USP46: variants seen among roughly 807,000 people sequenced by gnomAD.
USP46 encodes ubiquitin carboxyl-terminal hydrolase 46.
A neutral mutation model predicts 44.4 loss-of-function variants in USP46; 12 were observed. The ratio of observed to expected loss-of-function variants is 0.27; its 90% CI spans 0.17 to 0.44. USP46 has a LOEUF of 0.44. Ranked by LOEUF, USP46 falls within the 20% of genes least tolerant of loss-of-function variation. USP46 has a pLI of 1.00. For missense variants in USP46, 248 were observed against 444.8 expected (o/e 0.56, Z 3.98); for synonymous variants, 155 against 161.5 (o/e 0.96, Z 0.31).
At chr4:52,646,285 G>A (rs1718548188) in intron 1 of USP46, among the ~76,000 whole-genome samples, 1 of 152,108 alleles carries the variant, frequency 6.6e-6, no homozygotes, top group Non-Finnish European at 1.5e-5. Flanking sequence ...CCGGCCCTCG[G>A]GAACCAGTCC....
intron 5 of USP46, among the ~76,000 whole-genome samples, chr4:52,608,734 G>T (rs567358255): frequency 2.0e-5 from 3 of 152,312 alleles, no homozygotes; most frequent in South Asian, 4.1e-4. Context: ...AATCTTCCCG[G>T]GTGATTCCAA....
intron 1 of USP46, among the ~76,000 whole-genome samples, chr4:52,653,818 T>A (rs984266320): frequency 6.6e-6 from 1 of 152,046 alleles, no homozygotes; most frequent in Non-Finnish European, 1.5e-5. Context: ...CTATTCACAC[T>A]AACTAGAAAG....
In USP46 at chr4:52,656,999, T is replaced by C. The variant is rs564956309; in HGVS notation, c.36+2116A>G. On this transcript the variant is annotated intron_variant, in intron 1 of 8. Coordinates refer to ENST00000441222, the MANE Select transcript of USP46 (RefSeq NM_022832.4). Reference sequence around the variant, plus strand: ...AGGCTGCAGTGAGCCACCATGTTCATGCCACTGCACTCCAGCCTGGGTGAC... The same window carrying C: ...AGGCTGCAGTGAGCCACCATGTTCACGCCACTGCACTCCAGCCTGGGTGAC... Among the ~76,000 whole-genome samples the C allele has an allele frequency of 6.0e-5, 8 of 134,314 alleles. No individual in the cohort carries two copies. The East Asian group carries it at 1.7e-3, about 29-fold the overall frequency. The allele number at this position is 134,314 out of a possible 152,430, so 88.1% of individuals were successfully genotyped here.
At chr4:52,642,905 C>A (rs1718401816) in intron 1 of USP46, among the ~76,000 whole-genome samples, 1 of 151,792 alleles carries the variant, frequency 6.6e-6, no homozygotes, top group Non-Finnish European at 1.5e-5. Context: ...TAGATACTGA[C>A]AATAATATAA....
chr4:52,608,362 C>T (rs1267267551), intron 5 of USP46, among the ~76,000 whole-genome samples: 1 of 152,222 alleles, frequency 6.6e-6, no homozygotes, highest in Non-Finnish European at 1.5e-5. Context: ...AGCAATGCTT[C>T]CCGATAATTT....
intron 4 of USP46, among the ~76,000 whole-genome samples, chr4:52,621,190 CA>C (rs1368242649): frequency 6.6e-6 from 1 of 152,040 alleles, no homozygotes; most frequent in African/African-American, 2.4e-5. Flanking sequence ...ATGTTGATAG[CA>C]AAACCAGACA....
At position 52,631,052 on chromosome 4, in the gene USP46, T is replaced by C; in HGVS notation, c.117+12A>G. ...AAACATTTGATGAAAATAATACATT[T>C]TACATACTTACATTGACCAATCCGA... On this transcript the variant is annotated intron_variant, in intron 2 of 8. Coordinates refer to ENST00000441222, the MANE Select transcript of USP46 (RefSeq NM_022832.4). 6.4e-7 allele frequency: 1 copy of C among 1,553,850 alleles called. No individual in the cohort carries two copies. The highest frequency in any genetic ancestry group is 8.7e-7 in the Non-Finnish European group (1 of 1,147,510).
intron 1 of USP46, among the ~76,000 whole-genome samples, chr4:52,635,539 C>T (rs73135516): frequency 2.2e-3 from 337 of 152,244 alleles, no homozygotes; most frequent in African/African-American, 7.7e-3. Flanking sequence ...TTCTCACTGG[C>T]CTTCCACTCA....
intron 1 of USP46, among the ~76,000 whole-genome samples, chr4:52,651,779 T>C (rs1297550342): frequency 2.0e-5 from 3 of 152,186 alleles, no homozygotes; most frequent in African/African-American, 7.2e-5. Flanking sequence ...CTAAAGCCAA[T>C]GTCAATTAAA....
chr4:52,626,159 C>G lies in USP46; in HGVS notation c.420G>C (p.Lys140Asn). ...NTIADILQEE[K>N]KQEKQNGKLK... ...ATTTTCCATTTTGTTTTTCCTGTTT[C>G]TTCTCCTCCTGAAGGATGTCCGCAA... The change falls in exon 4 of 9, where the codon AAG (lysine) becomes AAC (asparagine). Residue 140 changes from lysine to asparagine, a missense_variant. This residue lies in a region of USP46 where 37 missense variants were observed against 30.6 expected (regional missense o/e 1.21). Coordinates refer to ENST00000441222, the MANE Select transcript of USP46 (RefSeq NM_022832.4). 1 of 1,613,792 alleles carries G rather than the reference C, an allele frequency of 6.2e-7. No individual in the cohort carries two copies.
At chr4:52,656,303 C>T (rs1161289066) in intron 1 of USP46, 2 of 1,551,314 alleles carry the variant, frequency 1.3e-6, no homozygotes, top group Admixed American at 3.9e-5. Context: ...TACCTGAAAA[C>T]AATTCATTAT....
chr4:52,648,253 G>C (rs193057282), intron 1 of USP46, among the ~76,000 whole-genome samples: 3 of 152,178 alleles, frequency 2.0e-5, no homozygotes, highest in Non-Finnish European at 4.4e-5. Context: ...TCCAAGAGCC[G>C]ATTATTTGAG....
chr4:52,632,950 A>AAGAAAG (rs1717913404), intron 1 of USP46, among the ~76,000 whole-genome samples: 2 of 75,566 alleles, frequency 2.6e-5, no homozygotes, highest in African/African-American at 6.7e-5. Context: ...GAAAGAAAGA[A>AAGAAAG]AGAAAGAAAG....
At chr4:52,631,532 T>C (rs914209730) in intron 1 of USP46, among the ~76,000 whole-genome samples, 1 of 152,174 alleles carries the variant, frequency 6.6e-6, no homozygotes, top group Non-Finnish European at 1.5e-5. Context: ...TCAAAGTCAA[T>C]GTATTCATTT....
chr4:52,602,518 C>T (rs1287144752), intron 6 of USP46, among the ~76,000 whole-genome samples: 1 of 152,198 alleles, frequency 6.6e-6, no homozygotes, highest in Non-Finnish European at 1.5e-5. Flanking sequence ...GCTTCTGACA[C>T]ACACTCTTGG....
chr4:52,632,993 AGAAAG>A (rs1266105972), intron 1 of USP46, among the ~76,000 whole-genome samples: 15 of 113,352 alleles, frequency 1.3e-4, no homozygotes, highest in Non-Finnish European at 1.4e-4. Flanking sequence ...AGAAAAGAAA[AGAAAG>A]AAAGAAAGAA....
intron 1 of USP46, among the ~76,000 whole-genome samples, chr4:52,637,490 G>A (rs986430030): frequency 6.6e-6 from 1 of 152,118 alleles, no homozygotes; most frequent in African/African-American, 2.4e-5. Context: ...TCCCTGCTCA[G>A]AAAAGAACAA....
chr4:52,654,919 G>A (rs1718897953), intron 1 of USP46, among the ~76,000 whole-genome samples: 1 of 152,132 alleles, frequency 6.6e-6, no homozygotes, highest in Non-Finnish European at 1.5e-5. Context: ...ACCAAAAACA[G>A]AAAATCAGTT....
chr4:52,598,704 C>T lies in USP46; in HGVS notation c.923G>A (p.Gly308Asp). 6.2e-7 allele frequency: 1 copy of T among 1,605,228 alleles called. No homozygotes were observed. Reference sequence around the variant, plus strand: ...AGTGATATAATGCCCACGATTAGGACCACTGGAAAAGAACAAATAAAAGGC... The same window carrying T: ...AGTGATATAATGCCCACGATTAGGATCACTGGAAAAGAACAAATAAAAGGC... ...LVAVVVHCGS[G>D]PNRGHYITIV... The change falls in exon 8 of 9, where the codon GGT becomes GAT. Residue 308 changes from glycine (G) to aspartate (D), a missense_variant and splice_region_variant. By Grantham distance (94) the Gly-to-Asp change is moderately conservative (BLOSUM62 -1). Transcript: ENST00000441222.
Sources: gnomAD v4.1 joint callset for allele counts (sites outside exome capture counted in the v4.1 genomes callset) on GRCh38, gnomAD v4.1.1 for gene constraint, gnomAD v4.1.1 regional missense constraint, MANE v1.5 for transcripts, NCBI Gene and HGNC (gene_info 2026-07-23, HGNC 2026-07-21) for gene names.